Variants in SLC25A21 observed in about 807,000 individuals in gnomAD.
SLC25A21 encodes the protein mitochondrial 2-oxodicarboxylate carrier.
Under a neutral mutation model 43.8 loss-of-function variants are expected in SLC25A21, and 47 were observed. The ratio of observed to expected loss-of-function variants is 1.07; its 90% CI spans 0.85 to 1.37. The LOEUF (loss-of-function observed/expected upper bound fraction) is 1.37, where lower values mean the gene tolerates loss of function less well. Ranked by LOEUF, SLC25A21 falls within the 40% of genes most tolerant of loss-of-function variation. The pLI is 0.00. For synonymous variants in SLC25A21, 131 were observed against 121.3 expected, an observed-to-expected ratio of 1.08 and a Z score of -0.52; for missense variants, 352 against 350.2, an observed-to-expected ratio of 1.00 and a Z score of -0.04.
chr14:37,035,314 C>T (rs1184831977), intron 1 of SLC25A21, among the ~76,000 whole-genome samples: 7 of 152,234 alleles, frequency 4.6e-5, no homozygotes, highest in Non-Finnish European at 7.4e-5. Context: ...TTTTAAGTGC[C>T]GAAAACACTG....
At chr14:36,851,862 C>T (rs1889749814) in intron 2 of SLC25A21, among the ~76,000 whole-genome samples, 3 of 152,098 alleles carry the variant, frequency 2.0e-5, no homozygotes, top group South Asian at 4.1e-4. Flanking sequence ...GCTTGCTTGA[C>T]AGTATATGAA....
intron 1 of SLC25A21, among the ~76,000 whole-genome samples, chr14:37,163,515 A>C (rs935599252): frequency 6.6e-6 from 1 of 152,180 alleles, no homozygotes; most frequent in African/African-American, 2.4e-5. Flanking sequence ...AATCACTTGG[A>C]AAATAACTAT....
chr14:36,974,663 A>G (rs1166595552), intron 1 of SLC25A21, among the ~76,000 whole-genome samples: 5 of 152,330 alleles, frequency 3.3e-5, no homozygotes, highest in Middle Eastern at 3.4e-3. Context: ...TTTGATAATT[A>G]CTATATTATG....
chr14:36,848,591 A>G (rs987607281), intron 2 of SLC25A21, among the ~76,000 whole-genome samples: 3 of 151,808 alleles, frequency 2.0e-5, no homozygotes, highest in African/African-American at 7.2e-5. Flanking sequence ...GGTCTCATCT[A>G]CTCTCGGTAG....
At chr14:36,950,890 C>T (rs1892793615) in intron 1 of SLC25A21, among the ~76,000 whole-genome samples, 1 of 152,200 alleles carries the variant, frequency 6.6e-6, no homozygotes, top group Non-Finnish European at 1.5e-5. Flanking sequence ...CCTCTTACCT[C>T]TCTCTCATTT....
At chr14:37,118,290 G>A (rs546250835) in intron 1 of SLC25A21, among the ~76,000 whole-genome samples, 2 of 151,864 alleles carry the variant, frequency 1.3e-5, no homozygotes. Flanking sequence ...AACAAGTCCT[G>A]TGGCCCCACC....
intron 3 of SLC25A21, among the ~76,000 whole-genome samples, chr14:36,810,549 A>G (rs1318069383): frequency 6.6e-6 from 1 of 152,200 alleles, no homozygotes; most frequent in Non-Finnish European, 1.5e-5. Flanking sequence ...ATAGCTAAGA[A>G]CTTGTTGACT....
chr14:36,948,639 T>A (rs937056878), intron 1 of SLC25A21, among the ~76,000 whole-genome samples: 5 of 152,172 alleles, frequency 3.3e-5, no homozygotes, highest in African/African-American at 1.2e-4. Flanking sequence ...TAATTCTCTA[T>A]GTCTAAAGTT....
At chr14:36,821,874 A>T (rs568008527) in intron 2 of SLC25A21, among the ~76,000 whole-genome samples, 16 of 152,250 alleles carry the variant, frequency 1.1e-4, no homozygotes, top group Non-Finnish European at 2.2e-4. Flanking sequence ...AATAATAATA[A>T]TAACTACGTA....
chr14:37,152,244 G>A (rs573505670), intron 1 of SLC25A21, among the ~76,000 whole-genome samples: 15 of 152,112 alleles, frequency 9.9e-5, no homozygotes, highest in African/African-American at 3.6e-4. Context: ...ATGACAAAAA[G>A]AATGAATGAA....
At chr14:36,946,154 A>C (rs1240708740) in intron 1 of SLC25A21, among the ~76,000 whole-genome samples, 1 of 152,224 alleles carries the variant, frequency 6.6e-6, no homozygotes, top group Non-Finnish European at 1.5e-5. Context: ...CTGCTTATAA[A>C]TATTAAACAC....
intron 1 of SLC25A21, among the ~76,000 whole-genome samples, chr14:36,898,716 G>A (rs979408826): frequency 3.9e-5 from 6 of 152,124 alleles, no homozygotes; most frequent in African/African-American, 1.4e-4. Flanking sequence ...TAAAACAGCT[G>A]ATCTCATGGA....
At chr14:36,787,887 C>T (rs540915916) in intron 3 of SLC25A21, among the ~76,000 whole-genome samples, 31 of 152,208 alleles carry the variant, frequency 2.0e-4, no homozygotes, top group Admixed American at 1.3e-4. Context: ...TCTTTGCAAG[C>T]ATGCTTGTTT....
chr14:37,113,229 A>G (rs1376466164), intron 1 of SLC25A21, among the ~76,000 whole-genome samples: 2 of 152,174 alleles, frequency 1.3e-5, no homozygotes, highest in South Asian at 2.1e-4. Flanking sequence ...CTTATTACAC[A>G]GAACTTAAAA....
intron 7 of SLC25A21, among the ~76,000 whole-genome samples, chr14:36,689,404 A>C (rs1264878110): frequency 6.7e-6 from 1 of 149,972 alleles, no homozygotes; most frequent in Non-Finnish European, 1.5e-5. Context: ...TGTGTAGATG[A>C]GCTTTCCTGG....
intron 3 of SLC25A21, among the ~76,000 whole-genome samples, chr14:36,803,426 A>G (rs1295470565): frequency 6.6e-6 from 1 of 152,188 alleles, no homozygotes; most frequent in African/African-American, 2.4e-5. Context: ...TTCAAAATGT[A>G]TGTTGACCTG....
chr14:36,982,838 C>CAAAACAAAACA, intron 1 of SLC25A21, among the ~76,000 whole-genome samples: 1 of 151,310 alleles, frequency 6.6e-6, no homozygotes, highest in Non-Finnish European at 1.5e-5. Flanking sequence ...ACAACAACAA[C>CAAAACAAAACA]AAACAAAACA....
At chr14:36,980,683 T>C (rs1445333602) in intron 1 of SLC25A21, among the ~76,000 whole-genome samples, 2 of 152,224 alleles carry the variant, frequency 1.3e-5, no homozygotes, top group African/African-American at 2.4e-5. Flanking sequence ...TCTGTCCAGC[T>C]TTGTTCCATT....
At position 36,680,539 on chromosome 14, in the gene SLC25A21, G is replaced by T; in HGVS notation, c.*119C>A. On this transcript the variant is annotated 3_prime_UTR_variant, in exon 10 of 10. Transcript: ENST00000331299. The stretch of plus-strand genomic sequence containing the variant: ...TTTTTAAAGTATTAAAATAGATTTT[G>T]TTCTTGAACAGTTTTCTCCTTCATA... The T allele has an allele frequency of 7.2e-7, 1 of 1,382,002 alleles. No individual in the cohort carries two copies. 85.6% of individuals were successfully genotyped at this position (1,382,002 alleles called of 1,614,324 possible).
Sources: allele counts gnomAD v4.1 joint callset (sites outside exome capture counted in the v4.1 genomes callset), GRCh38; gene constraint gnomAD v4.1.1; transcripts MANE v1.5; gene names NCBI Gene and HGNC (gene_info 2026-07-23, HGNC 2026-07-21).